Variants in ASPSCR1 observed in about 807,000 individuals in gnomAD.
The protein encoded by ASPSCR1 is ASPSCR1 tether for SLC2A4, UBX domain containing.
A neutral mutation model predicts 68.9 loss-of-function variants in ASPSCR1; 55 were observed. The ratio of observed to expected loss-of-function variants is 0.80; its 90% CI spans 0.64 to 1.00. The LOEUF is 1.00. Among genes scored for constraint, ASPSCR1 ranks in the 50% least tolerant of loss-of-function variants. ASPSCR1 has a pLI of 0.00. For synonymous variants in ASPSCR1, 352 were observed against 332.6 expected, an observed-to-expected ratio of 1.06 and a Z score of -0.63; for missense variants, 765 against 762.2, an observed-to-expected ratio of 1.00 and a Z score of -0.04.
At chr17:82,012,019 GTGTCCCCTGCAGGTGGGCC>G in intron 11 of ASPSCR1, 193 bp from the exon 12 acceptor site, 1 of 676,672 alleles carries the variant, frequency 1.5e-6, no homozygotes. Flanking sequence ...TGCACGGGTG[GTGTCCCCTGCAGGTGGGCC>G]TGCCCCCCAC....
Position 81,983,753 on chromosome 17 carries a change from T to A in ASPSCR1, c.273+85T>A, listed in dbSNP as rs1598386865. ...GGACGGGGGACGGGACAGTGGGGGG[T>A]GCTGGGGAAGGAGGGACATGAGTCT... is the stretch of plus-strand genomic sequence containing the variant. On this transcript the variant is annotated intron_variant, in intron 3 of 15. Transcript: ENST00000306739. The surrounding 1 kb of genome is among the most constrained non-coding windows in gnomAD (Gnocchi z 4.4). 1.7e-6 allele frequency: 2 copies of A among 1,168,252 alleles called. No homozygotes were observed. Among genetic ancestry groups the A allele is most frequent in the African/African-American group, 3.1e-5 (2 of 64,694 alleles). 72.4% of individuals were successfully genotyped at this position (1,168,252 alleles called of 1,614,324 possible). A position where few individuals can be genotyped will look rare whatever the true frequency, so the allele number is the denominator to read the frequency against.
intron 7 of ASPSCR1, among the ~76,000 whole-genome samples, chr17:81,997,678 A>G (rs1326727114): frequency 1.3e-5 from 2 of 150,414 alleles, no homozygotes; most frequent in East Asian, 3.9e-4. Flanking sequence ...TTTAGTAGAG[A>G]CAGGGTTTTA....
chr17:81,985,408 G>T, intron 3 of ASPSCR1, 99 bp from the exon 4 acceptor site: 2 of 1,273,944 alleles, frequency 1.6e-6, no homozygotes, highest in Non-Finnish European at 2.2e-6. Flanking sequence ...GGCCAGGGCG[G>T]GGCAGTCACC....
chr17:81,999,805 C>G lies in ASPSCR1; in HGVS notation c.933+2959C>G, dbSNP rs1479170688. ...GAAGCAACCTCATGCCTCCCTCTTGCCTCCCGGCCACACACCTGGGAGGGC... is the reference window on the plus strand; with the variant it reads ...GAAGCAACCTCATGCCTCCCTCTTGGCTCCCGGCCACACACCTGGGAGGGC... On this transcript the variant is annotated intron_variant, in intron 7 of 15. Transcript: ENST00000306739. This position sits in a 1 kb window ranked among gnomAD's most constrained non-coding sequence, Gnocchi z 4.4. Among the ~76,000 whole-genome samples, 1 of 152,156 alleles carries G rather than the reference C, an allele frequency of 6.6e-6. No homozygotes were observed. The highest frequency in any genetic ancestry group is 2.4e-5 in the African/African-American group (1 of 41,440).
intron 7 of ASPSCR1, among the ~76,000 whole-genome samples, chr17:82,003,137 C>T (rs926823039): frequency 2.0e-5 from 3 of 152,294 alleles, no homozygotes; most frequent in Non-Finnish European, 2.9e-5. Flanking sequence ...CGTGAGCCAC[C>T]GTGCCCAGCC....
Position 81,996,654 on chromosome 17 carries a change from T to G in ASPSCR1, c.741T>G (p.Gly247=), listed in dbSNP as rs372128517. 105 of 1,611,854 alleles carry G rather than the reference T, an allele frequency of 6.5e-5. No homozygotes were observed. In the East Asian group the frequency reaches 2.0e-3, roughly 31 times the overall value. ...PAAAPFVPFS[G]GGQRLGGPPG... ...CTGCCCCCTTTGTTCCTTTCTCGGG[T>G]GGGGGACAGAGACTGGGGGGCCCTC... is the stretch of plus-strand genomic sequence containing the variant. The change falls in exon 7 of 16, where the codon GGT becomes GGG. Residue 247 remains glycine (G), a synonymous_variant. Transcript: ENST00000306739.
At chr17:82,002,447 G>A (rs1195623722) in intron 7 of ASPSCR1, among the ~76,000 whole-genome samples, 3 of 151,920 alleles carry the variant, frequency 2.0e-5, no homozygotes, top group African/African-American at 7.3e-5. Flanking sequence ...TAGAGAAGGG[G>A]TTTTGCCATG....
At chr17:82,009,007 CCCG>C in intron 7 of ASPSCR1, 27 bp from the exon 8 acceptor site, 2 of 1,475,302 alleles carry the variant, frequency 1.4e-6, no homozygotes, top group Non-Finnish European at 1.8e-6. Flanking sequence ...GCCCGTGACA[CCCG>C]CCGTCAGCCG....
rs2042447737 is a variant in ASPSCR1, at chr17:81,999,152, T to G, written c.933+2306T>G. 6.6e-6 allele frequency among the ~76,000 whole-genome samples: 1 copy of G among 152,238 alleles called. No individual in the cohort carries two copies. Among genetic ancestry groups the G allele is most frequent in the South Asian group, 2.1e-4 (1 of 4,836 alleles). ...CCAAAAGAGGCAGACTGGGGGACTGTCATGCGGCTTTCGGTGACAGGGATG... is the reference window on the plus strand; with the variant it reads ...CCAAAAGAGGCAGACTGGGGGACTGGCATGCGGCTTTCGGTGACAGGGATG... On this transcript the variant is annotated intron_variant, in intron 7 of 15. Coordinates refer to ENST00000306739, the MANE Select transcript of ASPSCR1 (RefSeq NM_024083.4). The surrounding 1 kb of genome is among the most constrained non-coding windows in gnomAD (Gnocchi z 4.4).
At chr17:82,014,917 A>G in intron 12 of ASPSCR1, 1 of 903,404 alleles carries the variant, frequency 1.1e-6, no homozygotes, top group Non-Finnish European at 1.6e-6. Context: ...GGGCACCCCC[A>G]CTTCTCCCTG....
rs1243967432 is a variant in ASPSCR1, at chr17:82,012,252, T to C, written c.1322T>C (p.Val441Ala). 6.2e-7 allele frequency: 1 copy of C among 1,613,516 alleles called. No homozygotes were observed. The highest frequency in any genetic ancestry group is 1.1e-5 in the South Asian group (1 of 91,076). ...FYLFITPPKT[V>A]LDDHTQTLFQ... ...TCAGTCATCACCCCTCCAAAAACAG[T>C]CCTGGACGACCACACGCAGACCCTC... is the stretch of plus-strand genomic sequence containing the variant. The change falls in exon 12 of 16, where the codon GTC becomes GCC. Residue 441 changes from valine (V) to alanine (A), a missense_variant. Val to Ala is a moderately conservative substitution (Grantham distance 64). Transcript: ENST00000306739.
At chr17:81,981,079 G>A (rs1238181750) in intron 2 of ASPSCR1, among the ~76,000 whole-genome samples, 1 of 152,212 alleles carries the variant, frequency 6.6e-6, no homozygotes, top group Non-Finnish European at 1.5e-5. Flanking sequence ...AACCCTGACT[G>A]TGCCAGAACC....
At chr17:81,985,423 C>A in intron 3 of ASPSCR1, 84 bp from the exon 4 acceptor site, 2 of 1,436,092 alleles carry the variant, frequency 1.4e-6, no homozygotes, top group Admixed American at 1.8e-5. Flanking sequence ...GTCACCCTCT[C>A]TGTGTCTGGA....
At chr17:81,980,327 A>AG (rs1301170534) in intron 2 of ASPSCR1, among the ~76,000 whole-genome samples, 4 of 152,224 alleles carry the variant, frequency 2.6e-5, no homozygotes, top group Admixed American at 2.6e-4. Context: ...CTGGGGGCAG[A>AG]GGGCAGGAGC....
Position 81,990,335 on chromosome 17 carries a change from G to A in ASPSCR1, c.375-4486G>A, listed in dbSNP as rs1294664081. 1.3e-5 allele frequency among the ~76,000 whole-genome samples: 2 copies of A among 152,208 alleles called. No homozygotes were observed. The highest frequency in any genetic ancestry group is 6.5e-5 in the Admixed American group (1 of 15,278). ...CTCTGCTTCTCAGGCTCTGCTGCAGGGAGGGCGTCAGGAGACAGAGGCTGC... is the reference window on the plus strand; with the variant it reads ...CTCTGCTTCTCAGGCTCTGCTGCAGAGAGGGCGTCAGGAGACAGAGGCTGC... On this transcript the variant is annotated intron_variant, in intron 4 of 15. Coordinates refer to ENST00000306739, the MANE Select transcript of ASPSCR1 (RefSeq NM_024083.4). The surrounding 1 kb of genome is among the most constrained non-coding windows in gnomAD (Gnocchi z 4.1).
At chr17:82,001,406 G>A (rs1200675422) in intron 7 of ASPSCR1, among the ~76,000 whole-genome samples, 1 of 152,196 alleles carries the variant, frequency 6.6e-6, no homozygotes, top group African/African-American at 2.4e-5. Flanking sequence ...CCTCATGGGT[G>A]TCTGAGGACA....
At position 82,011,524 on chromosome 17, in the gene ASPSCR1, T is replaced by C. The variant is rs775524594; in HGVS notation, c.1238-19T>C. 1.3e-6 allele frequency: 2 copies of C among 1,573,902 alleles called. No individual in the cohort carries two copies. Among genetic ancestry groups the C allele is most frequent in the East Asian group, 2.4e-5 (1 of 41,628 alleles). ...GCGTGGTGGAAGAGCTGTCTGTATG[T>C]TCTTTTTCTCCTCTGCAGTGGGGGA... is the stretch of plus-strand genomic sequence containing the variant. On this transcript the variant is annotated intron_variant, in intron 10 of 15. Coordinates refer to ENST00000306739, the MANE Select transcript of ASPSCR1 (RefSeq NM_024083.4).
At chr17:82,000,376 G>A (rs1206955264) in intron 7 of ASPSCR1, among the ~76,000 whole-genome samples, 7 of 152,184 alleles carry the variant, frequency 4.6e-5, no homozygotes, top group Non-Finnish European at 1.0e-4. Flanking sequence ...GGCCTGCATG[G>A]CGTGCTGAGG....
At chr17:81,991,495 TCAGGGTGGGTCTGTGCATGCTG>T (rs374259051) in intron 4 of ASPSCR1, among the ~76,000 whole-genome samples, 2 of 152,136 alleles carry the variant, frequency 1.3e-5, no homozygotes, top group African/African-American at 4.8e-5. Context: ...GTGGCCACAC[TCAGGGTGGGTCTGTGCATGCTG>T]CTGGGCCAGC....
Sources: allele counts gnomAD v4.1 joint callset (sites outside exome capture counted in the v4.1 genomes callset), GRCh38; gene constraint gnomAD v4.1.1; non-coding constraint Gnocchi (gnomAD v3.1); transcripts MANE v1.5; gene names NCBI Gene and HGNC (gene_info 2026-07-23, HGNC 2026-07-21).